Variants in KGD4 observed in about 807,000 individuals in gnomAD.
KGD4 encodes the protein alpha-ketoglutarate dehydrogenase component 4.
chr5:69,226,530 T>A, the KGD4 span: 1 of 654,710 alleles, frequency 1.5e-6, no homozygotes, highest in Non-Finnish European at 2.6e-6. Context: ...ATCAAAATAG[T>A]GCCTTATGTA....
the KGD4 span, among the ~76,000 whole-genome samples, chr5:69,225,822 G>A: frequency 3.3e-5 from 5 of 152,058 alleles, no homozygotes; most frequent in African/African-American, 1.2e-4. Context: ...CTCGTGATCC[G>A]TCCGCCTCGG....
the KGD4 span, chr5:69,228,507 A>C: frequency 9.9e-7 from 1 of 1,005,178 alleles, no homozygotes; most frequent in African/African-American, 1.7e-5. Context: ...GTCAGAGCTA[A>C]GACAGGATGG....
At chr5:69,228,559 C>T in the KGD4 span, among the ~76,000 whole-genome samples, 1 of 152,072 alleles carries the variant, frequency 6.6e-6, no homozygotes, top group Non-Finnish European at 1.5e-5. Flanking sequence ...ATAGTCAAAT[C>T]CCTCTGTAAA....
At chr5:69,221,227 T>C in the KGD4 span, among the ~76,000 whole-genome samples, 1 of 148,772 alleles carries the variant, frequency 6.7e-6, no homozygotes, top group African/African-American at 2.5e-5. Context: ...GGAGGGGTAG[T>C]GTGTGGGTGT....
the KGD4 span, among the ~76,000 whole-genome samples, chr5:69,224,540 C>G: frequency 2.0e-5 from 3 of 152,060 alleles, no homozygotes; most frequent in Non-Finnish European, 2.9e-5. Context: ...TTCTAATTTT[C>G]AAAATGATTG....
chr5:69,218,391 C>G, the KGD4 span, among the ~76,000 whole-genome samples: 1 of 152,200 alleles, frequency 6.6e-6, no homozygotes, highest in Non-Finnish European at 1.5e-5. Flanking sequence ...CCCAACCTCT[C>G]CAAGCGTCTG....
the KGD4 span, chr5:69,226,471 A>G: frequency 0.13 from 140,545 of 1,045,346 alleles, 9,959 homozygotes; most frequent in African/African-American, 0.21. Flanking sequence ...GTATTTTATT[A>G]TAGGCAATAT....
the KGD4 span, chr5:69,217,985 C>A: frequency 1.3e-6 from 2 of 1,564,846 alleles, no homozygotes; most frequent in Non-Finnish European, 1.7e-6. Context: ...CGCGCCTCTG[C>A]GGAGGGCCAG....
At chr5:69,224,113 G>A in the KGD4 span, among the ~76,000 whole-genome samples, 7 of 150,180 alleles carry the variant, frequency 4.7e-5, no homozygotes, top group South Asian at 4.2e-4. Context: ...AATTTGGGCC[G>A]GGCATGGTGG....
the KGD4 span, among the ~76,000 whole-genome samples, chr5:69,228,778 GCCAAGGCAGGTGGGTC>G: frequency 1.1e-4 from 17 of 152,054 alleles, no homozygotes; most frequent in Admixed American, 1.0e-3. Flanking sequence ...ACTTTGGGAG[GCCAAGGCAGGTGGGTC>G]ACCTGAGGTC....
chr5:69,218,436 C>G, the KGD4 span, among the ~76,000 whole-genome samples: 18 of 150,610 alleles, frequency 1.2e-4, no homozygotes, highest in East Asian at 2.0e-3. Context: ...GAAAAGTAAA[C>G]TTAAGTTTAA....
the KGD4 span, among the ~76,000 whole-genome samples, chr5:69,228,033 C>G: frequency 6.6e-6 from 1 of 152,192 alleles, no homozygotes; most frequent in East Asian, 1.9e-4. Context: ...ATATAGCCAA[C>G]TGAGTTACTC....
At chr5:69,226,168 C>G in the KGD4 span, among the ~76,000 whole-genome samples, 2 of 152,198 alleles carry the variant, frequency 1.3e-5, no homozygotes, top group African/African-American at 2.4e-5. Flanking sequence ...GTTGTGTTTA[C>G]CGGGTAGACA....
chr5:69,217,986 G>A, the KGD4 span: 1 of 1,561,224 alleles, frequency 6.4e-7, no homozygotes, highest in Non-Finnish European at 8.8e-7. Flanking sequence ...GCGCCTCTGC[G>A]GAGGGCCAGT....
the KGD4 span, chr5:69,229,060 G>T: frequency 1.3e-5 from 5 of 398,450 alleles, no homozygotes; most frequent in East Asian, 5.8e-5. Context: ...ATTGATATGA[G>T]TACCCAAAAG....
chr5:69,228,438 G>A, the KGD4 span: 13 of 1,513,756 alleles, frequency 8.6e-6, no homozygotes, highest in South Asian at 1.3e-4. Flanking sequence ...ATAACATTTG[G>A]GCTTTGGGGA....
At chr5:69,225,805 T>C in the KGD4 span, among the ~76,000 whole-genome samples, 1 of 152,220 alleles carries the variant, frequency 6.6e-6, no homozygotes, top group Admixed American at 6.5e-5. Context: ...GGTCTTGAAC[T>C]CCTGACCTCG....
At chr5:69,226,595 C>G in the KGD4 span, among the ~76,000 whole-genome samples, 1 of 152,122 alleles carries the variant, frequency 6.6e-6, no homozygotes, top group Non-Finnish European at 1.5e-5. Flanking sequence ...GCCTGTCATC[C>G]CAGCACTTTG....
At chr5:69,222,855 CG>C in the KGD4 span, among the ~76,000 whole-genome samples, 1 of 150,566 alleles carries the variant, frequency 6.6e-6, no homozygotes, top group Non-Finnish European at 1.5e-5. Flanking sequence ...GGCTCGATCT[CG>C]GACTTCCACT....
Sources: allele counts gnomAD v4.1 joint callset (sites outside exome capture counted in the v4.1 genomes callset), GRCh38; gene constraint gnomAD v4.1.1; transcripts MANE v1.5; gene names NCBI Gene and HGNC (gene_info 2026-07-23, HGNC 2026-07-21).